Variants in ATP11A observed in about 807,000 individuals in gnomAD.
ATP11A encodes phospholipid-transporting ATPase IH.
ATP11A carries 81 observed loss-of-function variants against 154.4 expected under a neutral mutation model. The ratio of observed to expected loss-of-function variants is 0.52; its 90% CI spans 0.44 to 0.63. The LOEUF (loss-of-function observed/expected upper bound fraction) is 0.63, where lower values mean the gene tolerates loss of function less well. Ranked by LOEUF, ATP11A falls within the 30% of genes least tolerant of loss-of-function variation. ATP11A has a pLI of 0.00. For missense variants in ATP11A, 1,316 were observed against 1,474.3 expected (o/e 0.89, Z 1.76); for synonymous variants, 623 against 585.9 (o/e 1.06, Z -0.91).
At chr13:112,879,453 A>G (rs2080821120) in intron 29 of ATP11A, among the ~76,000 whole-genome samples, 1 of 152,250 alleles carries the variant, frequency 6.6e-6, no homozygotes, top group Admixed American at 6.5e-5. Flanking sequence ...TTAATGACTC[A>G]TAAGAGGTCC....
intron 1 of ATP11A, among the ~76,000 whole-genome samples, chr13:112,752,133 C>T (rs1315852253): frequency 6.6e-6 from 1 of 152,146 alleles, no homozygotes; most frequent in Non-Finnish European, 1.5e-5. Flanking sequence ...TTCTTAGGGC[C>T]TCTCACTGTA....
intron 29 of ATP11A, among the ~76,000 whole-genome samples, chr13:112,879,325 A>G (rs1215505585): frequency 1.3e-5 from 2 of 152,262 alleles, no homozygotes; most frequent in Non-Finnish European, 2.9e-5. Flanking sequence ...CCAAGCAATT[A>G]ATCAGAATCA....
intron 1 of ATP11A, among the ~76,000 whole-genome samples, chr13:112,766,041 G>A (rs1389329771): frequency 5.3e-5 from 8 of 152,202 alleles, no homozygotes; most frequent in East Asian, 1.9e-4. Context: ...CCCCTGTCAC[G>A]GGTTGTAGAA....
At chr13:112,739,828 A>G (rs1221370485) in intron 1 of ATP11A, among the ~76,000 whole-genome samples, 1 of 152,246 alleles carries the variant, frequency 6.6e-6, no homozygotes, top group African/African-American at 2.4e-5. Flanking sequence ...TATGTACACC[A>G]TGAATGAACT....
Position 112,785,968 on chromosome 13 carries a change from C to T in ATP11A, c.162+711C>T, listed in dbSNP as rs568840716. Among the ~76,000 whole-genome samples the T allele has an allele frequency of 2.3e-3, 340 of 146,530 alleles. 11 individuals carry two copies. The highest frequency in any genetic ancestry group is 8.3e-3 in the African/African-American group (326 of 39,276). On this transcript the variant is annotated intron_variant, in intron 2 of 29. Transcript: ENST00000375645. The surrounding 1 kb of genome is among the most constrained non-coding windows in gnomAD (Gnocchi z 4.8). ...GACTCCATTTATCTTCACCGTCCTT[C>T]AAAATGGATGAGCTAAACCCACGCA...
chr13:112,825,815 A>G (rs1420099465), intron 11 of ATP11A, among the ~76,000 whole-genome samples: 2 of 152,242 alleles, frequency 1.3e-5, no homozygotes, highest in African/African-American at 4.8e-5. Flanking sequence ...CATCAGGACA[A>G]TACCTTAAAT....
intron 12 of ATP11A, among the ~76,000 whole-genome samples, chr13:112,829,115 T>C (rs1237822824): frequency 1.3e-5 from 2 of 152,250 alleles, no homozygotes; most frequent in Admixed American, 1.3e-4. Context: ...CGTTCTGCGA[T>C]GCAGTGCTGC....
chr13:112,827,667 G>A (rs757214925), intron 12 of ATP11A, among the ~76,000 whole-genome samples: 1 of 152,226 alleles, frequency 6.6e-6, no homozygotes, highest in Admixed American at 6.5e-5. Flanking sequence ...TGGATTTTTC[G>A]GAAGAAATAG....
rs1227393461 is a variant in ATP11A, at chr13:112,885,714, T to C, written c.*3848T>C. The C allele has an allele frequency of 1.3e-5, 2 of 152,380 alleles. No individual in the cohort carries two copies. Among genetic ancestry groups the C allele is most frequent in the Admixed American group, 6.5e-5 (1 of 15,292 alleles). The allele number at this position is 152,380 out of a possible 1,614,324, so 9.4% of individuals were successfully genotyped here. A position where few individuals can be genotyped will look rare whatever the true frequency, so the allele number is the denominator to read the frequency against. ...ATGTGCCACAAACAAGTGCACACTGTCCTGGTGTCCTGCACTGCATCCTGC... is the reference window on the plus strand; with the variant it reads ...ATGTGCCACAAACAAGTGCACACTGCCCTGGTGTCCTGCACTGCATCCTGC... On this transcript the variant is annotated 3_prime_UTR_variant, in exon 30 of 30. Coordinates refer to ENST00000375645, the MANE Select transcript of ATP11A (RefSeq NM_015205.3).
At chr13:112,778,126 C>T (rs1448237571) in intron 1 of ATP11A, among the ~76,000 whole-genome samples, 1 of 148,366 alleles carries the variant, frequency 6.7e-6, no homozygotes, top group Non-Finnish European at 1.5e-5. Context: ...AACATCATAC[C>T]ACACATACCT....
chr13:112,849,810 C>T (rs1594170061), intron 17 of ATP11A, among the ~76,000 whole-genome samples: 1 of 152,372 alleles, frequency 6.6e-6, no homozygotes, highest in South Asian at 2.1e-4. Flanking sequence ...CAGAAAGCTG[C>T]AAGGTCGTGT....
Position 112,833,021 on chromosome 13 carries a change from G to A in ATP11A, c.1557G>A (p.Gln519=), listed in dbSNP as rs2079139590. ...AGGTGGCGCTGGTCGAAGGTGTCCA[G>A]AGGTACGTCGCGGGCCAAGGGTCTG... ...PDEVALVEGV[Q]RLGFTYLRLK... is the part of the protein sequence containing the mutation. Residue 519 remains glutamine, a splice_region_variant and synonymous_variant, in exon 14 of 30, where the codon CAG becomes CAA. Transcript: ENST00000375645. 1 of 1,610,846 alleles carries A rather than the reference G, an allele frequency of 6.2e-7. No individual in the cohort carries two copies. Among genetic ancestry groups the A allele is most frequent in the Non-Finnish European group, 8.5e-7 (1 of 1,178,520 alleles).
At chr13:112,857,504 G>A (rs570718524) in intron 20 of ATP11A, among the ~76,000 whole-genome samples, 1 of 152,274 alleles carries the variant, frequency 6.6e-6, no homozygotes, top group South Asian at 2.1e-4. Flanking sequence ...TTAAGTAGAG[G>A]AATATAACAA....
chr13:112,833,065 A>G (rs1216391831), intron 14 of ATP11A, 42 bp downstream of exon 14: 1 of 1,583,562 alleles, frequency 6.3e-7, no homozygotes, highest in East Asian at 2.2e-5. Flanking sequence ...TCCTGATGTG[A>G]CTCAGCCCCT....
rs75168053 is a variant in ATP11A at position 112,862,068 on chromosome 13, T to G, written c.2856-372T>G. Among the ~76,000 whole-genome samples the G allele has an allele frequency of 1.3e-3, 195 of 151,504 alleles. 3 individuals are homozygous for G. The East Asian group carries it at 0.032, about 25-fold the overall frequency. Reference sequence around the variant, plus strand: ...GTCACAGCAGGCGTAAGGCATCACGTCAGGCGTAAGGCGTCACGTCAGGCG... The same window carrying G: ...GTCACAGCAGGCGTAAGGCATCACGGCAGGCGTAAGGCGTCACGTCAGGCG... On this transcript the variant is annotated intron_variant, in intron 24 of 29. Transcript: ENST00000375645.
chr13:112,824,417 C>G lies in ATP11A; in HGVS notation c.864C>G (p.Ala288=). 4 of 1,614,044 alleles carry G rather than the reference C, an allele frequency of 2.5e-6. No individual in the cohort carries two copies. The highest frequency in any genetic ancestry group is 1.7e-5 in the Admixed American group (1 of 60,016). ...NYQSKSQKRS[A]VEKSMNAFLI... The stretch of plus-strand genomic sequence containing the variant: ...AATCAAAATCTCAGAAGCGATCTGC[C>G]GTGGAAAAGTAAGGCTGGATGCGCG... The change falls in exon 10 of 30, where the codon GCC becomes GCG. Residue 288 remains alanine (A), a synonymous_variant. Transcript: ENST00000375645.
intron 16 of ATP11A, among the ~76,000 whole-genome samples, chr13:112,841,971 C>T (rs567967541): frequency 2.6e-5 from 4 of 152,366 alleles, no homozygotes; most frequent in African/African-American, 7.2e-5. Context: ...ACGCCCGTCC[C>T]GAGGGCATTT....
chr13:112,724,185 C>G (rs562302811), intron 1 of ATP11A, among the ~76,000 whole-genome samples: 2 of 140,110 alleles, frequency 1.4e-5, no homozygotes, highest in Non-Finnish European at 3.1e-5. Flanking sequence ...TCGCCCTCTT[C>G]GCCCCCATCG....
chr13:112,748,366 C>G (rs1389307398), intron 1 of ATP11A, among the ~76,000 whole-genome samples: 3 of 152,130 alleles, frequency 2.0e-5, no homozygotes, highest in Non-Finnish European at 4.4e-5. Context: ...AAATGCATTT[C>G]TTTCATTTCT....
Sources: gnomAD v4.1 joint callset for allele counts (sites outside exome capture counted in the v4.1 genomes callset) on GRCh38, gnomAD v4.1.1 for gene constraint, Gnocchi (gnomAD v3.1) non-coding constraint, MANE v1.5 for transcripts, NCBI Gene and HGNC (gene_info 2026-07-23, HGNC 2026-07-21) for gene names.